Variants in CASKIN2 observed in about 807,000 individuals in gnomAD.
CASKIN2 encodes the protein caskin-2.
In CASKIN2, 41 loss-of-function variants were observed where a neutral mutation model predicts 107.1. That is an observed-to-expected ratio of 0.38 (90% CI 0.30 to 0.50). The LOEUF (loss-of-function observed/expected upper bound fraction) is 0.50, where lower values mean the gene tolerates loss of function less well. CASKIN2 is among the 20% of genes least tolerant of loss of function. The pLI, the probability that CASKIN2 is intolerant of heterozygous loss-of-function variation, is 0.92. For missense variants in CASKIN2, 1,546 were observed against 1,657.4 expected, an observed-to-expected ratio of 0.93 and a Z score of 1.17; for synonymous variants, 724 against 705.6, an observed-to-expected ratio of 1.03 and a Z score of -0.41.
At position 75,505,957 on chromosome 17, in the gene CASKIN2, C is replaced by T. The variant is rs745992772; in HGVS notation, c.727-28G>A. The T allele has an allele frequency of 6.9e-6, 11 of 1,592,458 alleles. No individual in the cohort carries two copies. Among genetic ancestry groups the T allele is most frequent in the East Asian group, 2.2e-5 (1 of 44,658 alleles). ...GGGTGCACAGTGTCACATGAGCACA[C>T]GCTAAGCACTTTGACACCCCTCACC... On this transcript the variant is annotated intron_variant, in intron 8 of 19. Transcript: ENST00000321617. This position sits in a 1 kb window ranked among gnomAD's most constrained non-coding sequence, Gnocchi z 5.1.
Position 75,505,425 on chromosome 17 carries a change from C to T in CASKIN2, c.930+132G>A, listed in dbSNP as rs1417700080. On this transcript the variant is annotated intron_variant, in intron 10 of 19. Transcript: ENST00000321617. This position sits in a 1 kb window ranked among gnomAD's most constrained non-coding sequence, Gnocchi z 5.1. ...AGAAATGCTAACAGCACTGCCTTCC[C>T]TGGCTTTAAGAAGAATTAAATGAGG... 2.4e-6 allele frequency: 2 copies of T among 820,220 alleles called. No homozygotes were observed. The highest frequency in any genetic ancestry group is 2.1e-5 in the Admixed American group (1 of 47,098). 50.8% of individuals were successfully genotyped at this position (820,220 alleles called of 1,614,324 possible).
intron 2 of CASKIN2, 147 bp from the exon 3 acceptor site, chr17:75,508,432 TC>T: frequency 1.2e-6 from 1 of 841,874 alleles, no homozygotes; most frequent in Non-Finnish European, 1.9e-6. Context: ...TCCCTGTGGC[TC>T]CCCACCCTGG....
In CASKIN2 at chr17:75,501,931, C is replaced by T. The variant is rs1313926037; in HGVS notation, c.3143G>A (p.Gly1048Glu). 3.1e-6 allele frequency: 5 copies of T among 1,594,194 alleles called. No individual in the cohort carries two copies. The highest frequency in any genetic ancestry group is 1.3e-5 in the African/African-American group (1 of 74,574). Residue 1048 changes from glycine to glutamate, a missense_variant, in exon 18 of 20, where the codon GGA (glycine) becomes GAA (glutamate). Transcript: ENST00000321617. ...QPEPSSLPAQ[G>E]VPTPLAPSPA... is the part of the protein sequence containing the mutation. Reference sequence around the variant, plus strand: ...GCTGGGAGCAAGGGGGGTTGGAACTCCTTGGGCTGGAAGGCTGCTGGGCTC... The same window carrying T: ...GCTGGGAGCAAGGGGGGTTGGAACTTCTTGGGCTGGAAGGCTGCTGGGCTC...
rs1489335359 is a variant in CASKIN2, at chr17:75,503,151, C to T, written c.1923G>A (p.Lys641=). 6.2e-7 allele frequency: 1 copy of T among 1,604,720 alleles called. No individual in the cohort carries two copies. The highest frequency in any genetic ancestry group is 1.3e-5 in the African/African-American group (1 of 74,964). The change falls in exon 18 of 20, where the codon AAG becomes AAA. Residue 641 remains lysine (K), a synonymous_variant. Coordinates refer to ENST00000321617, the MANE Select transcript of CASKIN2 (RefSeq NM_020753.5). ...CCTCGATGGCCATCAGCTCCGGACC[C>T]TTGGCCAGCCGGCGCCCGCCTTCGC... ...ALSEGGRRLA[K]GPELMAIEGL...
At chr17:75,512,958 C>G (rs746312467) in intron 2 of CASKIN2, among the ~76,000 whole-genome samples, 14 of 151,768 alleles carry the variant, frequency 9.2e-5, no homozygotes, top group Non-Finnish European at 1.9e-4. Flanking sequence ...TAGAGGTGCT[C>G]TGGTTGAAAT....
intron 19 of CASKIN2, 79 bp from the exon 20 acceptor site, chr17:75,501,249 C>A: frequency 7.3e-7 from 1 of 1,364,328 alleles, no homozygotes; most frequent in Non-Finnish European, 1.0e-6. Flanking sequence ...GCTGTCATAG[C>A]TCCCAGAGGC....
intron 2 of CASKIN2, among the ~76,000 whole-genome samples, chr17:75,512,583 C>T (rs2053323763): frequency 6.6e-6 from 1 of 152,120 alleles, no homozygotes; most frequent in South Asian, 2.1e-4. Context: ...GAGTGTTGAA[C>T]TTTTTTTAAG....
intron 2 of CASKIN2, among the ~76,000 whole-genome samples, chr17:75,508,738 G>A (rs1445022646): frequency 6.6e-6 from 1 of 152,226 alleles, no homozygotes; most frequent in East Asian, 1.9e-4. Context: ...CATCCCAGAG[G>A]AAGGTGACAT....
In CASKIN2 at chr17:75,506,542, C is replaced by T. The variant is rs1349845167; in HGVS notation, c.617+41G>A. The T allele has an allele frequency of 3.7e-6, 6 of 1,607,582 alleles. No homozygotes were observed. The highest frequency in any genetic ancestry group is 1.1e-5 in the South Asian group (1 of 90,644). ...GAGCACTGAGGGGCACCGATGGTCC[C>T]GCAGGCAGGTGATGAGGAAGCGAGG... On this transcript the variant is annotated intron_variant, in intron 7 of 19. Coordinates refer to ENST00000321617, the MANE Select transcript of CASKIN2 (RefSeq NM_020753.5). The surrounding 1 kb of genome is among the most constrained non-coding windows in gnomAD (Gnocchi z 4.8).
At position 75,501,614 on chromosome 17, in the gene CASKIN2, G is replaced by A; in HGVS notation, c.3372C>T (p.Gly1124=). 1 of 1,604,014 alleles carries A rather than the reference G, an allele frequency of 6.2e-7. No homozygotes were observed. The highest frequency in any genetic ancestry group is 8.5e-7 in the Non-Finnish European group (1 of 1,174,688). Residue 1124 remains glycine, a synonymous_variant, in exon 19 of 20, where the codon GGC becomes GGT. Coordinates refer to ENST00000321617, the MANE Select transcript of CASKIN2 (RefSeq NM_020753.5). ...GCCGTGGAGGAGGCACTGGGCGGGG[G>A]CCGAGCCGGGGCGCTAGCTTAGGGC... is the stretch of plus-strand genomic sequence containing the variant. ...FSGPKLAPRL[G]PRPVPPPRPE...
intron 2 of CASKIN2, among the ~76,000 whole-genome samples, chr17:75,511,753 C>T (rs1458839078): frequency 6.6e-6 from 1 of 152,132 alleles, no homozygotes; most frequent in Non-Finnish European, 1.5e-5. Flanking sequence ...GGACCTCCTT[C>T]CCCACAGACG....
At chr17:75,510,734 G>A (rs1241139144) in intron 2 of CASKIN2, among the ~76,000 whole-genome samples, 3 of 151,994 alleles carry the variant, frequency 2.0e-5, no homozygotes, top group Non-Finnish European at 4.4e-5. Flanking sequence ...GGGACTACAG[G>A]CATGTGCCAC....
chr17:75,508,334 C>T lies in CASKIN2; in HGVS notation c.95-49G>A, dbSNP rs554437268. The T allele has an allele frequency of 2.2e-3, 3,476 of 1,586,756 alleles. 9 individuals carry two copies. Among genetic ancestry groups the T allele is most frequent in the Non-Finnish European group, 2.7e-3 (3,118 of 1,162,086 alleles). On this transcript the variant is annotated intron_variant, in intron 2 of 19. Transcript: ENST00000321617. ...CAGGGCCATCAGATGACTGCCCTCA[C>T]TCAGCATCCCTCCCCCCACCTGTCA...
At position 75,502,794 on chromosome 17, in the gene CASKIN2, C is replaced by G. The variant is rs762368442; in HGVS notation, c.2280G>C (p.Gln760His). Residue 760 changes from glutamine (Q) to histidine (H), a missense_variant, in exon 18 of 20, where the codon CAG (glutamine) becomes CAC (histidine). By Grantham distance (24) the Gln-to-His change is conservative. Transcript: ENST00000321617. The surrounding 1 kb of genome is among the most constrained non-coding windows in gnomAD (Gnocchi z 4.3). ...GPPPYVFMYP[Q>H]GSPSSPAPGP... Reference sequence around the variant, plus strand: ...CTGGGGCCGGGCTAGAGGGTGAGCCCTGGGGGTACATAAAAACATAGGGTG... The same window carrying G: ...CTGGGGCCGGGCTAGAGGGTGAGCCGTGGGGGTACATAAAAACATAGGGTG... The G allele has an allele frequency of 2.5e-6, 4 of 1,584,604 alleles. No homozygotes were observed. The South Asian group carries it at 3.4e-5, about 13-fold the overall frequency.
At chr17:75,503,999 C>A in intron 14 of CASKIN2, 37 bp from the exon 15 acceptor site, 1 of 1,562,810 alleles carries the variant, frequency 6.4e-7, no homozygotes, top group Non-Finnish European at 8.7e-7. Flanking sequence ...TTAGCAGGAG[C>A]TGGACCAAGG....
In CASKIN2 at chr17:75,515,486, T is replaced by C. The variant is rs1598472225; in HGVS notation, c.-490A>G. The C allele has an allele frequency of 6.6e-6, 1 of 151,320 alleles. No homozygotes were observed. Among genetic ancestry groups the C allele is most frequent in the Non-Finnish European group, 1.5e-5 (1 of 67,870 alleles). The allele number at this position is 151,320 out of a possible 1,614,324, so 9.4% of individuals were successfully genotyped here. ...TGGCTCCCACTCCCCCCTGCCCCCC[T>C]TTCTCCTTCTCCTTTTCCAAGGCCG... On this transcript the variant is annotated 5_prime_UTR_variant, in exon 1 of 20. Coordinates refer to ENST00000321617, the MANE Select transcript of CASKIN2 (RefSeq NM_020753.5).
At chr17:75,509,601 T>C in intron 2 of CASKIN2, 1 of 985,662 alleles carries the variant, frequency 1.0e-6, no homozygotes, top group African/African-American at 1.7e-5. Flanking sequence ...TTTCCTCCAG[T>C]CCCCTTGGAA....
intron 2 of CASKIN2, among the ~76,000 whole-genome samples, chr17:75,512,911 A>AG (rs2053326462): frequency 1.3e-5 from 2 of 151,372 alleles, no homozygotes; most frequent in Non-Finnish European, 3.0e-5. Flanking sequence ...AAAAAAAAAA[A>AG]CAGCTATCTT....
chr17:75,507,020 G>A lies in CASKIN2; in HGVS notation c.354C>T (p.Pro118=), dbSNP rs1368828490. ...GTCCATACTGTGCAGCCAGGTGCAGGGGGATCTGTCCGTCCAGCGAGGCGG... is the reference window on the plus strand; with the variant it reads ...GTCCATACTGTGCAGCCAGGTGCAGAGGGATCTGTCCGTCCAGCGAGGCGG... ...VNAASLDGQI[P]LHLAAQYGHY... The change falls in exon 5 of 20, where the codon CCC becomes CCT. Residue 118 remains proline, a synonymous_variant. Coordinates refer to ENST00000321617, the MANE Select transcript of CASKIN2 (RefSeq NM_020753.5). 2 of 1,613,156 alleles carry A rather than the reference G, an allele frequency of 1.2e-6. No individual in the cohort carries two copies. Among genetic ancestry groups the A allele is most frequent in the Admixed American group, 1.7e-5 (1 of 60,020 alleles).
Sources: allele counts gnomAD v4.1 joint callset (sites outside exome capture counted in the v4.1 genomes callset), GRCh38; gene constraint gnomAD v4.1.1; non-coding constraint Gnocchi (gnomAD v3.1); transcripts MANE v1.5; gene names NCBI Gene and HGNC (gene_info 2026-07-23, HGNC 2026-07-21).